SERPINB6: variants seen among roughly 807,000 people sequenced by gnomAD.
SERPINB6 encodes the protein serpin family B member 6.
In SERPINB6, 16 loss-of-function variants were observed where a neutral mutation model predicts 26.1. The observed-to-expected ratio is 0.61, with a 90% CI of 0.42 to 0.93. The LOEUF (loss-of-function observed/expected upper bound fraction) is 0.93, where lower values mean the gene tolerates loss of function less well. Among genes scored for constraint, SERPINB6 ranks in the 40% least tolerant of loss-of-function variants. The probability of loss-of-function intolerance (pLI) is 0.00; values close to 1 mark genes in which losing one functional copy is unlikely to be tolerated. For missense variants in SERPINB6, 420 were observed against 478.0 expected (o/e 0.88, Z 1.13); for synonymous variants, 174 against 176.6 (o/e 0.99, Z 0.11).
chr6:2,950,085 T>C (rs1179018681), intron 5 of SERPINB6, among the ~76,000 whole-genome samples: 1 of 152,200 alleles, frequency 6.6e-6, no homozygotes, highest in Non-Finnish European at 1.5e-5. Flanking sequence ...TTGGTATGTC[T>C]CTGTACCATT....
At chr6:2,956,556 TCA>T (rs1159196982) in intron 2 of SERPINB6, 1 of 152,356 alleles carries the variant, frequency 6.6e-6, no homozygotes, top group East Asian at 1.9e-4. Flanking sequence ...GCGTGGTGGC[TCA>T]CACCTGCAAT....
chr6:2,953,179 A>C lies in SERPINB6; in HGVS notation c.438T>G (p.Ile146Met). ...TWVAEKTEGK[I>M]AELLSPGSVD... ...CTGAGCCCGGAGAGAGCAACTCCGC[A>C]ATTTTACCTGAGCGGAAGAATTCAA... is the stretch of plus-strand genomic sequence containing the variant. The change falls in exon 5 of 7, where the codon ATT becomes ATG. Residue 146 changes from isoleucine to methionine, a missense_variant. Coordinates refer to ENST00000380539, the MANE Select transcript of SERPINB6 (RefSeq NM_004568.6). 6.2e-7 allele frequency: 1 copy of C among 1,614,180 alleles called. No individual in the cohort carries two copies. Among genetic ancestry groups the C allele is most frequent in the Non-Finnish European group, 8.5e-7 (1 of 1,180,038 alleles).
chr6:2,970,619 A>C, intron 1 of SERPINB6: 3 of 1,221,824 alleles, frequency 2.5e-6, no homozygotes, highest in Admixed American at 4.3e-5. Flanking sequence ...AAAAGTGCCC[A>C]AAAAATGGAC....
rs879219022 is a variant in SERPINB6, at chr6:2,954,796, T to C, written c.313-87A>G. On this transcript the variant is annotated intron_variant, in intron 3 of 6. Coordinates refer to ENST00000380539, the MANE Select transcript of SERPINB6 (RefSeq NM_004568.6). ...TTCTTCATTGCACCAAGTCAGAAAA[T>C]CTATAATTTTATGATTGACATACAT... The C allele has an allele frequency of 2.9e-5, 26 of 885,964 alleles. No individual in the cohort carries two copies. In the Admixed American group the frequency reaches 3.0e-4, roughly 10 times the overall value. The allele number at this position is 885,964 out of a possible 1,614,324, so 54.9% of individuals were successfully genotyped here.
intron 1 of SERPINB6, chr6:2,971,171 T>C: frequency 1.0e-6 from 1 of 995,630 alleles, no homozygotes; most frequent in East Asian, 1.0e-4. Context: ...GCCTCTTCCG[T>C]GGGCGCTGGG....
At chr6:2,951,966 G>A (rs1325255941) in intron 5 of SERPINB6, among the ~76,000 whole-genome samples, 1 of 152,226 alleles carries the variant, frequency 6.6e-6, no homozygotes. Context: ...GAGGAAGAAG[G>A]CGACGTGCTG....
intron 1 of SERPINB6, chr6:2,970,086 C>A: frequency 2.1e-6 from 2 of 941,888 alleles, no homozygotes; most frequent in Non-Finnish European, 2.5e-6. Context: ...AATTTTCTTT[C>A]TTTGGATGCC....
chr6:2,958,596 G>A (rs542890564), intron 2 of SERPINB6, among the ~76,000 whole-genome samples: 2 of 152,238 alleles, frequency 1.3e-5, no homozygotes, highest in Admixed American at 6.5e-5. Flanking sequence ...CGGAGAAGAC[G>A]CCCAGCGCCC....
intron 1 of SERPINB6, chr6:2,961,911 G>C: frequency 1.0e-6 from 1 of 984,488 alleles, no homozygotes; most frequent in Non-Finnish European, 1.2e-6. Context: ...TTTTTGTAGA[G>C]ACAAGGTTCT....
chr6:2,948,159 T>G lies in SERPINB6; in HGVS notation c.*139A>C, dbSNP rs1769313482. 1 of 919,050 alleles carries G rather than the reference T, an allele frequency of 1.1e-6. No homozygotes were observed. Among genetic ancestry groups the G allele is most frequent in the Non-Finnish European group, 1.8e-6 (1 of 567,990 alleles). 56.9% of individuals were successfully genotyped at this position (919,050 alleles called of 1,614,324 possible). A position where few individuals can be genotyped will look rare whatever the true frequency, so the allele number is the denominator to read the frequency against. ...CGTGCAGACACACAAACACACGGAG[T>G]GAATGCGGCATCCCACAAATGGGCC... On this transcript the variant is annotated 3_prime_UTR_variant, in exon 7 of 7. Coordinates refer to ENST00000380539, the MANE Select transcript of SERPINB6 (RefSeq NM_004568.6). This position sits in a 1 kb window ranked among gnomAD's most constrained non-coding sequence, Gnocchi z 5.0.
At chr6:2,962,072 ATAAAACACTCCGTCTCCGG>A in intron 1 of SERPINB6, 1 of 985,458 alleles carries the variant, frequency 1.0e-6, no homozygotes, top group Non-Finnish European at 1.2e-6. Context: ...AAGGCTAATA[ATAAAACACTCCGTCTCCGG>A]TAATATCCCG....
intron 1 of SERPINB6, chr6:2,963,537 T>C (rs1016815088): frequency 6.6e-6 from 1 of 152,244 alleles, no homozygotes; most frequent in African/African-American, 2.4e-5. Context: ...AAGATGCCTT[T>C]TCAAACCATG....
intron 3 of SERPINB6, 160 bp from the exon 4 acceptor site, chr6:2,954,869 C>T: frequency 1.6e-6 from 1 of 640,426 alleles, no homozygotes; most frequent in Non-Finnish European, 2.8e-6. Flanking sequence ...AACTTCCTAG[C>T]TTTAGCTATA....
chr6:2,953,324 T>C, intron 4 of SERPINB6, 138 bp from the exon 5 acceptor site: 1 of 1,154,316 alleles, frequency 8.7e-7, no homozygotes. Context: ...TATAAAGGGA[T>C]ACGTGTCCTT....
chr6:2,958,402 C>T (rs923930803), intron 2 of SERPINB6, among the ~76,000 whole-genome samples: 11 of 152,194 alleles, frequency 7.2e-5, no homozygotes, highest in Non-Finnish European at 1.5e-4. Context: ...CTCTCAGGCG[C>T]GGAGATGCCT....
At chr6:2,970,522 G>A in intron 1 of SERPINB6, 1 of 1,176,836 alleles carries the variant, frequency 8.5e-7, no homozygotes, top group African/African-American at 1.6e-5. Context: ...GAACACATCA[G>A]ATCTCATCGC....
At chr6:2,970,842 C>A in intron 1 of SERPINB6, 2 of 1,216,222 alleles carry the variant, frequency 1.6e-6, no homozygotes, top group South Asian at 4.2e-5. Flanking sequence ...GAGTTTAATT[C>A]AAACACAGAG....
chr6:2,952,096 C>T (rs1052232239), intron 5 of SERPINB6, among the ~76,000 whole-genome samples: 1 of 152,166 alleles, frequency 6.6e-6, no homozygotes, highest in African/African-American at 2.4e-5. Context: ...CATGGTGAAC[C>T]GGGGTTTCTG....
rs763576990 is a variant in SERPINB6 at position 2,959,186 on chromosome 6, G to A, written c.147C>T (p.Thr49=). 3.5e-5 allele frequency: 57 copies of A among 1,614,014 alleles called. No individual in the cohort carries two copies. The highest frequency in any genetic ancestry group is 2.8e-4 in the Admixed American group (17 of 59,998). The part of the protein sequence containing the change: ...AMVYMGAKGN[T]AAQMAQILSF... ...GCTGTACCTGGGCCATCTGTGCAGC[G>A]GTGTTTCCCTTTGCCCCCATGTAGA... is the stretch of plus-strand genomic sequence containing the variant. Residue 49 remains threonine (T), a synonymous_variant, in exon 2 of 7, where the codon ACC becomes ACT. Coordinates refer to ENST00000380539, the MANE Select transcript of SERPINB6 (RefSeq NM_004568.6).
Sources: gnomAD v4.1 joint callset for allele counts (sites outside exome capture counted in the v4.1 genomes callset) on GRCh38, gnomAD v4.1.1 for gene constraint, Gnocchi (gnomAD v3.1) non-coding constraint, MANE v1.5 for transcripts, NCBI Gene and HGNC (gene_info 2026-07-23, HGNC 2026-07-21) for gene names.